Variants in RPSA2 observed in about 807,000 individuals in gnomAD.
RPSA2 encodes the protein ribosomal protein SA 2, also known as small ribosomal subunit protein uS2B.
chr19:23,806,102 T>C, the RPSA2 span, among the ~76,000 whole-genome samples: 1 of 146,836 alleles, frequency 6.8e-6, no homozygotes, highest in African/African-American at 2.5e-5. Flanking sequence ...TGGAGTGAAG[T>C]GGCATGATCT....
At chr19:23,821,487 A>C in the RPSA2 span, among the ~76,000 whole-genome samples, 2 of 152,150 alleles carry the variant, frequency 1.3e-5, no homozygotes, top group African/African-American at 4.8e-5. Flanking sequence ...CTCCCAGAGG[A>C]GGGACTTCTT....
chr19:23,769,747 G>A, the RPSA2 span, among the ~76,000 whole-genome samples: 1 of 152,042 alleles, frequency 6.6e-6, no homozygotes, highest in Admixed American at 6.6e-5. Flanking sequence ...TGCCCAAAAA[G>A]GGATTGTGGC....
the RPSA2 span, chr19:23,827,054 A>C: frequency 2.9e-6 from 2 of 699,810 alleles, no homozygotes; most frequent in African/African-American, 3.5e-5. Context: ...CATTGCTTTT[A>C]CCTATTTGCT....
At chr19:23,866,974 CT>C in the RPSA2 span, among the ~76,000 whole-genome samples, 4 of 152,160 alleles carry the variant, frequency 2.6e-5, no homozygotes, top group African/African-American at 9.7e-5. Flanking sequence ...GTCAAAAGAT[CT>C]TTGTGTTTTT....
chr19:23,767,490 A>T, the RPSA2 span, among the ~76,000 whole-genome samples: 4 of 152,100 alleles, frequency 2.6e-5, no homozygotes, highest in Admixed American at 2.0e-4. Context: ...TTGAAATAAA[A>T]TTTTTTCCAA....
the RPSA2 span, among the ~76,000 whole-genome samples, chr19:23,858,656 C>T: frequency 6.6e-6 from 1 of 152,190 alleles, no homozygotes; most frequent in Non-Finnish European, 1.5e-5. Flanking sequence ...TGGAAGCTTG[C>T]ATGAATAAAT....
the RPSA2 span, among the ~76,000 whole-genome samples, chr19:23,781,535 C>T: frequency 6.6e-6 from 1 of 151,598 alleles, no homozygotes; most frequent in Non-Finnish European, 1.5e-5. Flanking sequence ...GATGGGGTTT[C>T]ACCATGTTGG....
At chr19:23,780,376 G>C in the RPSA2 span, among the ~76,000 whole-genome samples, 1 of 152,150 alleles carries the variant, frequency 6.6e-6, no homozygotes, top group Non-Finnish European at 1.5e-5. Flanking sequence ...GGGCGCGGTG[G>C]CTCACACCTG....
At chr19:23,861,189 A>C in the RPSA2 span, among the ~76,000 whole-genome samples, 1 of 152,182 alleles carries the variant, frequency 6.6e-6, no homozygotes, top group Non-Finnish European at 1.5e-5. Flanking sequence ...CAAAACCTTG[A>C]TTTTCTATGT....
chr19:23,774,261 T>C, the RPSA2 span, among the ~76,000 whole-genome samples: 1 of 152,146 alleles, frequency 6.6e-6, no homozygotes, highest in Non-Finnish European at 1.5e-5. Context: ...TATGACATAT[T>C]GCTGGGTCCG....
At chr19:23,758,760 C>G in the RPSA2 span, 1 of 1,614,212 alleles carries the variant, frequency 6.2e-7, no homozygotes, top group Non-Finnish European at 8.5e-7. Context: ...TTCTAGGTTT[C>G]CGGGGGACCT....
the RPSA2 span, among the ~76,000 whole-genome samples, chr19:23,848,049 ACG>A: frequency 2.0e-5 from 3 of 152,288 alleles, no homozygotes; most frequent in East Asian, 3.9e-4. Flanking sequence ...TTGTTCAAAC[ACG>A]CATGTTTTAC....
the RPSA2 span, among the ~76,000 whole-genome samples, chr19:23,870,908 A>C: frequency 6.6e-6 from 1 of 152,180 alleles, no homozygotes; most frequent in Non-Finnish European, 1.5e-5. Context: ...GCAAACTCAC[A>C]TCTGCACCTG....
the RPSA2 span, among the ~76,000 whole-genome samples, chr19:23,836,611 G>T: frequency 6.6e-6 from 1 of 152,268 alleles, no homozygotes; most frequent in East Asian, 1.9e-4. Context: ...TATAGTGACT[G>T]TACTGGTTGA....
chr19:23,861,848 G>A, the RPSA2 span, among the ~76,000 whole-genome samples: 4 of 152,120 alleles, frequency 2.6e-5, no homozygotes, highest in Non-Finnish European at 5.9e-5. Context: ...CCCTTGGTTT[G>A]ACCATCTTTT....
At chr19:23,806,008 T>A in the RPSA2 span, among the ~76,000 whole-genome samples, 133,026 of 146,378 alleles carry the variant, frequency 0.91, 59,950 homozygotes, top group Middle Eastern at 0.99. Flanking sequence ...TCTGTCTATC[T>A]ATCTATCTAT....
the RPSA2 span, among the ~76,000 whole-genome samples, chr19:23,802,577 A>G: frequency 2.0e-5 from 3 of 152,230 alleles, no homozygotes; most frequent in African/African-American, 7.2e-5. Flanking sequence ...GAAATGAATC[A>G]TCTGGTGTGT....
the RPSA2 span, among the ~76,000 whole-genome samples, chr19:23,868,549 A>G: frequency 1.3e-5 from 2 of 152,362 alleles, no homozygotes; most frequent in African/African-American, 2.4e-5. Flanking sequence ...CACCACCTCA[A>G]ACAAAACTAA....
At chr19:23,792,110 T>C in the RPSA2 span, among the ~76,000 whole-genome samples, 1 of 152,212 alleles carries the variant, frequency 6.6e-6, no homozygotes, top group East Asian at 1.9e-4. Context: ...TACTGAGATA[T>C]AAAATGTAAG....
Sources: allele counts gnomAD v4.1 joint callset (sites outside exome capture counted in the v4.1 genomes callset), GRCh38; gene constraint gnomAD v4.1.1; transcripts MANE v1.5; gene names NCBI Gene and HGNC (gene_info 2026-07-23, HGNC 2026-07-21).